XKR6: variants seen among roughly 807,000 people sequenced by gnomAD.
XKR6 encodes XK-related protein 6.
A neutral mutation model predicts 56.7 loss-of-function variants in XKR6; 22 were observed. The observed-to-expected ratio is 0.39, with a 90% CI of 0.28 to 0.55. XKR6 has a LOEUF of 0.55. Ranked by LOEUF, XKR6 falls within the 20% of genes least tolerant of loss-of-function variation. The pLI, the probability that XKR6 is intolerant of heterozygous loss-of-function variation, is 0.66. For missense variants in XKR6, 852 were observed against 889.0 expected (o/e 0.96, Z 0.53); for synonymous variants, 524 against 387.8 (o/e 1.35, Z -4.13).
At chr8:11,018,194 G>C (rs1027598266) in intron 1 of XKR6, among the ~76,000 whole-genome samples, 16 of 132,316 alleles carry the variant, frequency 1.2e-4, no homozygotes, top group African/African-American at 4.2e-4. Context: ...TCCCCCTCAG[G>C]GTGACTCAGC....
intron 1 of XKR6, among the ~76,000 whole-genome samples, chr8:11,071,558 TGAGCCCCGAGTCC>T (rs1451089832): frequency 2.9e-4 from 43 of 147,162 alleles, no homozygotes; most frequent in African/African-American, 9.4e-4. Context: ...CCCGAGTCCA[TGAGCCCCGAGTCC>T]ATGAGCCCCG....
intron 1 of XKR6, among the ~76,000 whole-genome samples, chr8:10,948,734 C>T (rs532721452): frequency 6.6e-6 from 1 of 152,350 alleles, no homozygotes; most frequent in South Asian, 2.1e-4. Flanking sequence ...GCACTCCCAC[C>T]CCGGCGTGTA....
chr8:10,931,827 A>T (rs965970889), intron 1 of XKR6, among the ~76,000 whole-genome samples: 2 of 131,052 alleles, frequency 1.5e-5, no homozygotes, highest in Non-Finnish European at 3.3e-5. Context: ...CATGATCCAT[A>T]AAAAAAACAA....
intron 1 of XKR6, among the ~76,000 whole-genome samples, chr8:11,182,116 C>T (rs921649500): frequency 6.6e-6 from 1 of 152,298 alleles, no homozygotes; most frequent in South Asian, 2.1e-4. Flanking sequence ...ACACTATTTA[C>T]AGTATAGGGT....
At chr8:10,972,318 C>A (rs1802431899) in intron 1 of XKR6, among the ~76,000 whole-genome samples, 1 of 152,188 alleles carries the variant, frequency 6.6e-6, no homozygotes, top group South Asian at 2.1e-4. Flanking sequence ...CAATTACTGA[C>A]CATCGGCAAT....
intron 1 of XKR6, among the ~76,000 whole-genome samples, chr8:10,946,991 G>T (rs1411606687): frequency 3.9e-5 from 6 of 152,178 alleles, no homozygotes; most frequent in Non-Finnish European, 8.8e-5. Context: ...AAGGAATAAG[G>T]GGAGGCCAGG....
chr8:10,943,140 T>C (rs1383685142), intron 1 of XKR6, among the ~76,000 whole-genome samples: 2 of 152,214 alleles, frequency 1.3e-5, no homozygotes, highest in East Asian at 3.9e-4. Context: ...CCTGGGATCA[T>C]AGCTCAGGAG....
At chr8:10,976,237 G>T (rs1187416768) in intron 1 of XKR6, among the ~76,000 whole-genome samples, 1 of 152,074 alleles carries the variant, frequency 6.6e-6, no homozygotes, top group Non-Finnish European at 1.5e-5. Context: ...GTTTAGTGGG[G>T]TCATTAGCAG....
chr8:10,906,460 T>C (rs1403734182), intron 2 of XKR6, among the ~76,000 whole-genome samples: 1 of 152,206 alleles, frequency 6.6e-6, no homozygotes, highest in South Asian at 2.1e-4. Flanking sequence ...AATACCTTAG[T>C]GCTAATGAGA....
chr8:11,163,550 C>G (rs548931082), intron 1 of XKR6, among the ~76,000 whole-genome samples: 1 of 152,296 alleles, frequency 6.6e-6, no homozygotes, highest in Non-Finnish European at 1.5e-5. Flanking sequence ...AAAATGAAGT[C>G]CTACAACAAA....
At chr8:10,901,869 T>C (rs533091969) in intron 2 of XKR6, among the ~76,000 whole-genome samples, 2 of 152,314 alleles carry the variant, frequency 1.3e-5, no homozygotes, top group South Asian at 4.2e-4. Context: ...TCTGATTTTG[T>C]TGTTCTCTGT....
chr8:10,983,684 C>A (rs1239865025), intron 1 of XKR6, among the ~76,000 whole-genome samples: 2 of 150,554 alleles, frequency 1.3e-5, no homozygotes, highest in African/African-American at 4.9e-5. Flanking sequence ...GAGATGGAGT[C>A]TCACTCTGTC....
At chr8:11,078,782 G>A (rs924759663) in intron 1 of XKR6, among the ~76,000 whole-genome samples, 1 of 152,140 alleles carries the variant, frequency 6.6e-6, no homozygotes, top group South Asian at 2.1e-4. Flanking sequence ...GGACAGTGAC[G>A]CCAACCCATC....
chr8:10,925,145 C>T (rs1800843136), intron 1 of XKR6, among the ~76,000 whole-genome samples: 1 of 152,148 alleles, frequency 6.6e-6, no homozygotes, highest in South Asian at 2.1e-4. Context: ...CCAGGGCCTG[C>T]AGGTAGGCAT....
intron 1 of XKR6, among the ~76,000 whole-genome samples, chr8:10,953,053 T>C (rs1435425761): frequency 6.6e-6 from 1 of 152,142 alleles, no homozygotes; most frequent in Non-Finnish European, 1.5e-5. Context: ...GACCATCTAG[T>C]TGTAGGAAAA....
intron 1 of XKR6, among the ~76,000 whole-genome samples, chr8:11,079,255 G>C (rs1351767757): frequency 6.6e-6 from 1 of 152,238 alleles, no homozygotes; most frequent in Admixed American, 6.5e-5. Flanking sequence ...GTGTGTCAGA[G>C]GCAGGGAATG....
chr8:10,905,083 C>A (rs1800149676), intron 2 of XKR6, among the ~76,000 whole-genome samples: 1 of 152,170 alleles, frequency 6.6e-6, no homozygotes, highest in Admixed American at 6.5e-5. Flanking sequence ...TTGTTCCCAT[C>A]AGCGGGTAGC....
intron 1 of XKR6, among the ~76,000 whole-genome samples, chr8:11,047,665 T>A (rs1270409222): frequency 6.6e-6 from 1 of 152,172 alleles, no homozygotes; most frequent in Admixed American, 6.5e-5. Flanking sequence ...AGAGCTTCAG[T>A]TTGGGAAGAT....
chr8:11,005,498 G>A (rs1179461523), intron 1 of XKR6, among the ~76,000 whole-genome samples: 1 of 152,088 alleles, frequency 6.6e-6, no homozygotes, highest in Non-Finnish European at 1.5e-5. Context: ...GGTAATGGTT[G>A]TACAACACCA....
Sources: gnomAD v4.1 joint callset for allele counts (sites outside exome capture counted in the v4.1 genomes callset) on GRCh38, gnomAD v4.1.1 for gene constraint, MANE v1.5 for transcripts, NCBI Gene and HGNC (gene_info 2026-07-23, HGNC 2026-07-21) for gene names.